The following DSCAM variants were observed in gnomAD, a reference collection of about 807,000 sequenced individuals.
DSCAM encodes the protein cell adhesion molecule DSCAM.
DSCAM carries 47 observed loss-of-function variants against 217.7 expected under a neutral mutation model. That is an observed-to-expected ratio of 0.22 (90% CI 0.17 to 0.28). The LOEUF is 0.28. Among genes scored for constraint, DSCAM ranks in the 10% least tolerant of loss-of-function variants. The pLI is 1.00. For missense variants in DSCAM, 2,080 were observed against 2,618.3 expected (o/e 0.79, Z 4.49); for synonymous variants, 1,056 against 1,015.3 (o/e 1.04, Z -0.76).
At chr21:40,741,162 G>A (rs914509844) in intron 1 of DSCAM, among the ~76,000 whole-genome samples, 5 of 152,164 alleles carry the variant, frequency 3.3e-5, no homozygotes, top group Non-Finnish European at 7.4e-5. Flanking sequence ...GTTTTCTAAA[G>A]CATGAGACTC....
chr21:40,028,451 G>A (rs936613868), intron 32 of DSCAM, among the ~76,000 whole-genome samples: 16 of 151,884 alleles, frequency 1.1e-4, no homozygotes, highest in South Asian at 6.2e-4. Context: ...CCCCAGCCTG[G>A]CTGCCACCTT....
intron 3 of DSCAM, among the ~76,000 whole-genome samples, chr21:40,555,990 G>T (rs1601741256): frequency 6.6e-6 from 1 of 152,238 alleles, no homozygotes; most frequent in South Asian, 2.1e-4. Context: ...AGAGGTACCT[G>T]TTAGAAGATA....
At chr21:40,637,934 T>C (rs932113078) in intron 3 of DSCAM, among the ~76,000 whole-genome samples, 1 of 151,884 alleles carries the variant, frequency 6.6e-6, no homozygotes, top group Non-Finnish European at 1.5e-5. Context: ...TCCACCCACC[T>C]CGACCTCCCA....
At chr21:40,789,267 T>TA (rs200298125) in intron 1 of DSCAM, among the ~76,000 whole-genome samples, 71,376 of 146,280 alleles carry the variant, frequency 0.49, 17,575 homozygotes, top group South Asian at 0.64. Flanking sequence ...CAATCAAGAT[T>TA]AAAAAAAAAA....
intron 5 of DSCAM, among the ~76,000 whole-genome samples, chr21:40,349,571 T>G (rs79087931): frequency 0.061 from 9,323 of 152,280 alleles, 570 homozygotes; most frequent in African/African-American, 0.16. Flanking sequence ...TATAAAATTA[T>G]CGACTATCTT....
chr21:40,417,313 G>T (rs962231566), intron 3 of DSCAM, among the ~76,000 whole-genome samples: 9 of 152,240 alleles, frequency 5.9e-5, no homozygotes, highest in African/African-American at 1.7e-4. Context: ...CATGTGCCAT[G>T]TTGGTGTGCT....
intron 3 of DSCAM, among the ~76,000 whole-genome samples, chr21:40,535,680 T>C (rs1002230651): frequency 7.9e-5 from 12 of 152,192 alleles, no homozygotes; most frequent in African/African-American, 2.7e-4. Context: ...AGCCAATCCT[T>C]GCCCTTGAGA....
At chr21:40,550,327 C>G (rs369035417) in intron 3 of DSCAM, among the ~76,000 whole-genome samples, 3 of 152,282 alleles carry the variant, frequency 2.0e-5, no homozygotes, top group East Asian at 3.9e-4. Context: ...AAGTTTGAGA[C>G]CATCCTGGCC....
At chr21:40,528,129 T>C (rs1026403853) in intron 3 of DSCAM, among the ~76,000 whole-genome samples, 1 of 152,186 alleles carries the variant, frequency 6.6e-6, no homozygotes, top group East Asian at 1.9e-4. Flanking sequence ...TAAATCATCA[T>C]TGATTTAATT....
intron 1 of DSCAM, among the ~76,000 whole-genome samples, chr21:40,739,781 G>GT (rs5844037): frequency 0.014 from 2,009 of 144,184 alleles, 20 homozygotes; most frequent in African/African-American, 0.025. Flanking sequence ...TAGAGAATTA[G>GT]TTTTTTTTTT....
chr21:40,492,648 C>A (rs1043226195), intron 3 of DSCAM, among the ~76,000 whole-genome samples: 3 of 150,500 alleles, frequency 2.0e-5, no homozygotes, highest in African/African-American at 4.9e-5. Context: ...AAGAAAGAAT[C>A]TGTGAACTTA....
chr21:40,036,241 A>G (rs2088620491), intron 32 of DSCAM, among the ~76,000 whole-genome samples: 3 of 149,152 alleles, frequency 2.0e-5, no homozygotes, highest in East Asian at 1.9e-4. Flanking sequence ...GTTTTTTGAA[A>G]GGATCAACAA....
chr21:40,376,475 T>TATATATCTTATATCGATATCG (rs2074954288), intron 3 of DSCAM, among the ~76,000 whole-genome samples: 2 of 128,672 alleles, frequency 1.6e-5, no homozygotes, highest in African/African-American at 6.1e-5. Flanking sequence ...TATAGATATC[T>TATATATCTTATATCGATATCG]ATATATCTTA....
At chr21:40,320,687 G>A (rs532278847) in intron 8 of DSCAM, among the ~76,000 whole-genome samples, 3 of 152,314 alleles carry the variant, frequency 2.0e-5, no homozygotes, top group South Asian at 2.1e-4. Flanking sequence ...GATGGCATCA[G>A]GCAAAGAGAA....
chr21:40,405,719 G>A (rs1030334588), intron 3 of DSCAM, among the ~76,000 whole-genome samples: 2 of 152,094 alleles, frequency 1.3e-5, no homozygotes, highest in Admixed American at 6.5e-5. Context: ...ATATATAGCC[G>A]GGCACAGTGG....
rs749186843 is a variant in DSCAM at position 40,085,742 on chromosome 21, G to A, written c.3992C>T (p.Thr1331Met). 97 of 1,541,106 alleles carry A rather than the reference G, an allele frequency of 6.3e-5. No homozygotes were observed. The highest frequency in any genetic ancestry group is 3.5e-4 in the African/African-American group (26 of 73,846). Residue 1331 changes from threonine to methionine, a missense_variant, in exon 23 of 33, where the codon ACG becomes ATG. This residue lies in a region of DSCAM where 1,144 missense variants were observed against 1,421.1 expected (regional missense o/e 0.81). Transcript: ENST00000400454. ...AAAGATGCTCCTCCGCCCATCAATC[G>A]TTACTAGACTGGGTGTCCCGTTACT... ...KDSNGTPSLV[T>M]IDGRRSIFSN...
intron 3 of DSCAM, among the ~76,000 whole-genome samples, chr21:40,370,652 G>A (rs1053027384): frequency 1.1e-4 from 17 of 151,824 alleles, no homozygotes; most frequent in African/African-American, 4.1e-4. Flanking sequence ...ATAAGGTCTG[G>A]CTGTATTATC....
At chr21:40,714,980 C>T (rs1245354311) in intron 1 of DSCAM, among the ~76,000 whole-genome samples, 4 of 152,178 alleles carry the variant, frequency 2.6e-5, no homozygotes, top group Non-Finnish European at 4.4e-5. Flanking sequence ...TAAAATAATA[C>T]ATTCTGCCTC....
At chr21:40,508,189 C>T (rs907752061) in intron 3 of DSCAM, among the ~76,000 whole-genome samples, 1 of 152,138 alleles carries the variant, frequency 6.6e-6, no homozygotes, top group Admixed American at 6.5e-5. Context: ...AGGGAAGAAA[C>T]CATGAACTGT....
Sources: allele counts gnomAD v4.1 joint callset (sites outside exome capture counted in the v4.1 genomes callset), GRCh38; gene constraint gnomAD v4.1.1; regional missense constraint gnomAD v4.1.1; transcripts MANE v1.5; gene names NCBI Gene and HGNC (gene_info 2026-07-23, HGNC 2026-07-21).